Variants in KDELR1 observed in about 807,000 individuals in gnomAD.
The protein encoded by KDELR1 is ER lumen protein-retaining receptor 1.
A neutral mutation model predicts 25.5 loss-of-function variants in KDELR1; 16 were observed. That is an observed-to-expected ratio of 0.63 (90% CI 0.43 to 0.95). The LOEUF is 0.95. Ranked by LOEUF, KDELR1 falls within the 40% of genes least tolerant of loss-of-function variation. KDELR1 has a pLI of 0.00. For missense variants in KDELR1, 159 were observed against 265.2 expected (o/e 0.60, Z 2.78); for synonymous variants, 121 against 115.0 (o/e 1.05, Z -0.33).
At chr19:48,389,077 C>G (rs1447436004) in intron 3 of KDELR1, among the ~76,000 whole-genome samples, 1 of 152,162 alleles carries the variant, frequency 6.6e-6, no homozygotes, top group Non-Finnish European at 1.5e-5. Context: ...TCAAGACCAG[C>G]CTGGTCAACA....
chr19:48,390,577 G>GAGAGAGAGAGAGAGAGAGAGAGAC lies in KDELR1; in HGVS notation c.92-54_92-53insGTCTCTCTCTCTCTCTCTCTCTCT, dbSNP rs1555890422. 3.1e-4 allele frequency: 303 copies of GAGAGAGAGAGAGAGAGAGAGAGAC among 980,274 alleles called. No homozygotes were observed. The African/African-American group carries it at 4.4e-3, about 14-fold the overall frequency. 60.7% of individuals were successfully genotyped at this position (980,274 alleles called of 1,614,324 possible). ...AGAGAGAGAGACAGAGAGAGAGAGA[G>GAGAGAGAGAGAGAGAGAGAGAGAC]AGACAGACAGACAGACAGACAGACA... is the stretch of plus-strand genomic sequence containing the variant. On this transcript the variant is annotated intron_variant, in intron 1 of 4. Coordinates refer to ENST00000330720, the MANE Select transcript of KDELR1 (RefSeq NM_006801.3).
chr19:48,388,457 G>A (rs1374891076), intron 3 of KDELR1, among the ~76,000 whole-genome samples: 3 of 151,818 alleles, frequency 2.0e-5, no homozygotes, highest in Non-Finnish European at 4.4e-5. Context: ...AGGCTGAGGA[G>A]AGTGGATCAC....
chr19:48,393,673 G>A (rs1450898598), upstream of KDELR1, among the ~76,000 whole-genome samples: 2 of 149,748 alleles, frequency 1.3e-5, no homozygotes, highest in Non-Finnish European at 2.9e-5. This position sits in a 1 kb window ranked among gnomAD's most constrained non-coding sequence, Gnocchi z 5.6. Flanking sequence ...ATCGCATCCC[G>A]AGTGAGTGTG....
At chr19:48,387,310 G>GCCT (rs1970504832) in intron 3 of KDELR1, among the ~76,000 whole-genome samples, 1 of 152,126 alleles carries the variant, frequency 6.6e-6, no homozygotes, top group Non-Finnish European at 1.5e-5. Flanking sequence ...GCATGATGCA[G>GCCT]CCTCCCTCTG....
In KDELR1 at chr19:48,382,921, T is replaced by C. The variant is rs998656272; in HGVS notation, c.*372A>G. 4.8e-6 allele frequency: 1 copy of C among 210,028 alleles called. No individual in the cohort carries two copies. The highest frequency in any genetic ancestry group is 2.4e-5 in the African/African-American group (1 of 40,978). The allele number at this position is 210,028 out of a possible 1,614,324, so 13.0% of individuals were successfully genotyped here. A position where few individuals can be genotyped will look rare whatever the true frequency, so the allele number is the denominator to read the frequency against. ...AACCAGTGGGGCTGGGGGTGGGATCTGGGAGGGAGCCGAGGGGCCTGGGGA... is the reference window on the plus strand; with the variant it reads ...AACCAGTGGGGCTGGGGGTGGGATCCGGGAGGGAGCCGAGGGGCCTGGGGA... On this transcript the variant is annotated 3_prime_UTR_variant, in exon 5 of 5. Transcript: ENST00000330720.
chr19:48,391,413 GC>G lies in KDELR1; in HGVS notation c.-56del. 1 of 1,384,664 alleles carries G rather than the reference GC, an allele frequency of 7.2e-7. No homozygotes were observed. Among genetic ancestry groups the G allele is most frequent in the Non-Finnish European group, 1.0e-6 (1 of 996,878 alleles). 85.8% of individuals were successfully genotyped at this position (1,384,664 alleles called of 1,614,324 possible). A position where few individuals can be genotyped will look rare whatever the true frequency, so the allele number is the denominator to read the frequency against. The stretch of plus-strand genomic sequence containing the variant: ...GAGGGAGGCAGGCTGGCGGGGGGGT[GC>G]CCCCCGAGGCTGCTGGTCTGAACGG... On this transcript the variant is annotated 5_prime_UTR_variant, in exon 1 of 5. Transcript: ENST00000330720.
chr19:48,393,976 C>T (rs761187242), upstream of KDELR1, among the ~76,000 whole-genome samples: 9 of 151,868 alleles, frequency 5.9e-5, no homozygotes, highest in Non-Finnish European at 1.2e-4. This position sits in a 1 kb window ranked among gnomAD's most constrained non-coding sequence, Gnocchi z 5.6. Context: ...CTGTACCGAC[C>T]CTGAGCTGCC....
chr19:48,391,836 A>G (rs1297925879), upstream of KDELR1, among the ~76,000 whole-genome samples: 1 of 152,122 alleles, frequency 6.6e-6, no homozygotes, highest in Admixed American at 6.5e-5. Context: ...GAGCTTGAAA[A>G]ATCCTGCAGG....
At chr19:48,388,459 GT>G (rs2147422142) in intron 3 of KDELR1, among the ~76,000 whole-genome samples, 1 of 152,160 alleles carries the variant, frequency 6.6e-6, no homozygotes, top group Non-Finnish European at 1.5e-5. Flanking sequence ...GCTGAGGAGA[GT>G]GGATCACCTG....
intron 3 of KDELR1, 63 bp downstream of exon 3, chr19:48,389,490 T>A: frequency 3.8e-6 from 6 of 1,592,178 alleles, no homozygotes; most frequent in Non-Finnish European, 4.3e-6. Flanking sequence ...TGAGAGGGTC[T>A]CCTGTCATAG....
rs550891794 is a variant in KDELR1, at chr19:48,384,873, C to G, written c.352-391G>C. Among the ~76,000 whole-genome samples the G allele has an allele frequency of 6.7e-6, 1 of 149,690 alleles. No individual in the cohort carries two copies. Among genetic ancestry groups the G allele is most frequent in the African/African-American group, 2.5e-5 (1 of 40,622 alleles). On this transcript the variant is annotated intron_variant, in intron 3 of 4. Coordinates refer to ENST00000330720, the MANE Select transcript of KDELR1 (RefSeq NM_006801.3). This position sits in a 1 kb window ranked among gnomAD's most constrained non-coding sequence, Gnocchi z 4.6. ...GTTGGAATCTTGCCTTGGAAATTTC[C>G]CTTCCTTTTTCTTTTTCTTTTTTTT... is the stretch of plus-strand genomic sequence containing the variant.
chr19:48,395,192 C>T (rs1362542361), upstream of KDELR1, among the ~76,000 whole-genome samples: 2 of 151,912 alleles, frequency 1.3e-5, no homozygotes, highest in South Asian at 4.1e-4. Flanking sequence ...GGCTCCCTCT[C>T]CCCATCCCCA....
At chr19:48,390,555 G>GAC in intron 1 of KDELR1, 31 bp from the exon 2 acceptor site, 3 of 1,305,084 alleles carry the variant, frequency 2.3e-6, no homozygotes, top group Admixed American at 1.8e-5. Context: ...AAGAGAGAGA[G>GAC]AGAGAGACAG....
upstream of KDELR1, among the ~76,000 whole-genome samples, chr19:48,393,588 G>A (rs1319620867): frequency 1.3e-5 from 2 of 152,154 alleles, no homozygotes; most frequent in Admixed American, 6.5e-5. This position sits in a 1 kb window ranked among gnomAD's most constrained non-coding sequence, Gnocchi z 5.6. Context: ...AGCCTGGCAG[G>A]AGAAGGGGTC....
upstream of KDELR1, among the ~76,000 whole-genome samples, chr19:48,391,933 T>C (rs1970559996): frequency 6.6e-6 from 1 of 151,968 alleles, no homozygotes. Context: ...CCCCACCTAC[T>C]TCCTCCCCTA....
At position 48,382,995 on chromosome 19, in the gene KDELR1, A is replaced by G. The variant is rs533247441; in HGVS notation, c.*298T>C. 2.2e-6 allele frequency: 1 copy of G among 456,992 alleles called. No individual in the cohort carries two copies. Among genetic ancestry groups the G allele is most frequent in the African/African-American group, 2.0e-5 (1 of 50,062 alleles). The allele number at this position is 456,992 out of a possible 1,614,324, so 28.3% of individuals were successfully genotyped here. ...CCCGGCCCATAGGACACTCAAAAACACTTTATAAAAATTGGGGCCACAGAG... is the reference window on the plus strand; with the variant it reads ...CCCGGCCCATAGGACACTCAAAAACGCTTTATAAAAATTGGGGCCACAGAG... On this transcript the variant is annotated 3_prime_UTR_variant, in exon 5 of 5. Coordinates refer to ENST00000330720, the MANE Select transcript of KDELR1 (RefSeq NM_006801.3).
upstream of KDELR1, among the ~76,000 whole-genome samples, chr19:48,393,015 G>T (rs1463932162): frequency 1.3e-5 from 2 of 152,206 alleles, no homozygotes; most frequent in East Asian, 1.9e-4. This position sits in a 1 kb window ranked among gnomAD's most constrained non-coding sequence, Gnocchi z 5.6. Flanking sequence ...GGAGGCCAGG[G>T]TCCCTCAATA....
At chr19:48,392,189 C>T (rs1184940418), upstream of KDELR1, among the ~76,000 whole-genome samples, 1 of 149,730 alleles carries the variant, frequency 6.7e-6, no homozygotes, top group Non-Finnish European at 1.5e-5. Context: ...AGCCTCCTCC[C>T]TCAGACCCAG....
chr19:48,383,436 G>A, intron 4 of KDELR1, 109 bp from the exon 5 acceptor site: 1 of 930,492 alleles, frequency 1.1e-6, no homozygotes, highest in Non-Finnish European at 1.7e-6. Context: ...AGATCCACAG[G>A]GAGGGAGGTC....
Sources: allele counts gnomAD v4.1 joint callset (sites outside exome capture counted in the v4.1 genomes callset), GRCh38; gene constraint gnomAD v4.1.1; non-coding constraint Gnocchi (gnomAD v3.1); transcripts MANE v1.5; gene names NCBI Gene and HGNC (gene_info 2026-07-23, HGNC 2026-07-21).